INPP5A: variants seen among roughly 807,000 people sequenced by gnomAD.
INPP5A encodes inositol polyphosphate-5-phosphatase A.
INPP5A carries 14 observed loss-of-function variants against 65.2 expected under a neutral mutation model. That is an observed-to-expected ratio of 0.21 (90% confidence interval 0.14 to 0.34). INPP5A has a LOEUF of 0.34. INPP5A is among the 10% of genes least tolerant of loss of function. The pLI is 1.00. For synonymous variants in INPP5A, 207 were observed against 208.3 expected (o/e 0.99, Z 0.05); for missense variants, 431 against 545.6 (o/e 0.79, Z 2.09).
chr10:132,693,514 G>A (rs567622496), intron 5 of INPP5A, among the ~76,000 whole-genome samples: 43 of 152,082 alleles, frequency 2.8e-4, no homozygotes, highest in African/African-American at 9.4e-4. Flanking sequence ...AACTTAAATG[G>A]GCCAAAAGAA....
chr10:132,732,917 C>T (rs973189532), intron 9 of INPP5A, among the ~76,000 whole-genome samples: 4 of 152,252 alleles, frequency 2.6e-5, no homozygotes, highest in East Asian at 1.9e-4. Context: ...GAGATTCCTG[C>T]GGCAGTGGCT....
intron 9 of INPP5A, among the ~76,000 whole-genome samples, chr10:132,730,194 GC>G (rs1042706875): frequency 2.6e-5 from 4 of 152,194 alleles, no homozygotes; most frequent in African/African-American, 7.2e-5. Context: ...CCCCTGCGGG[GC>G]CCTCCCCACC....
chr10:132,546,797 T>C lies in INPP5A; in HGVS notation c.75+8626T>C, dbSNP rs1414906841. ...CTGACCGCCCAGCCACTGTTCTCCC[T>C]GGCCCTTCCCTCTCGTTTCTGCCTG... On this transcript the variant is annotated intron_variant, in intron 1 of 15. Transcript: ENST00000368594. This position sits in a 1 kb window ranked among gnomAD's most constrained non-coding sequence, Gnocchi z 5.7. Among the ~76,000 whole-genome samples the C allele has an allele frequency of 6.6e-6, 1 of 152,218 alleles. No individual in the cohort carries two copies. Among genetic ancestry groups the C allele is most frequent in the Non-Finnish European group, 1.5e-5 (1 of 68,020 alleles).
intron 9 of INPP5A, among the ~76,000 whole-genome samples, chr10:132,728,567 A>G (rs1846027650): frequency 6.6e-6 from 1 of 152,212 alleles, no homozygotes; most frequent in Non-Finnish European, 1.5e-5. Flanking sequence ...GAGTGAGCTC[A>G]TTTCTAACCT....
intron 2 of INPP5A, among the ~76,000 whole-genome samples, chr10:132,630,041 G>T (rs1327559419): frequency 2.0e-5 from 3 of 151,850 alleles, no homozygotes; most frequent in African/African-American, 7.3e-5. Context: ...AGGGAAAGGT[G>T]TTCATGGAGG....
chr10:132,712,616 A>ATG (rs138245883), intron 8 of INPP5A, among the ~76,000 whole-genome samples: 1 of 137,118 alleles, frequency 7.3e-6, no homozygotes, highest in African/African-American at 2.7e-5. Context: ...GTGTGGGTGC[A>ATG]TGTGTGTGTG....
Position 132,782,300 on chromosome 10 carries a change from A to G in INPP5A, c.*271A>G. On this transcript the variant is annotated 3_prime_UTR_variant, in exon 16 of 16. Transcript: ENST00000368594. This position sits in a 1 kb window ranked among gnomAD's most constrained non-coding sequence, Gnocchi z 4.4. ...GTCACAGTCCTGTTGTCAAAACTCT[A>G]ATAGACAGCAAAGAGGGTCTGTACC... 1 of 367,312 alleles carries G rather than the reference A, an allele frequency of 2.7e-6. No individual in the cohort carries two copies. The highest frequency in any genetic ancestry group is 2.1e-5 in the South Asian group (1 of 46,846). The allele number at this position is 367,312 out of a possible 1,614,324, so 22.8% of individuals were successfully genotyped here.
intron 11 of INPP5A, chr10:132,754,111 C>T (rs1039323264): frequency 1.3e-5 from 2 of 152,218 alleles, no homozygotes; most frequent in African/African-American, 4.8e-5. Flanking sequence ...TCCGACTTCT[C>T]AGAACCAGTG....
intron 2 of INPP5A, among the ~76,000 whole-genome samples, chr10:132,638,671 G>T (rs1201805576): frequency 6.6e-6 from 1 of 152,196 alleles, no homozygotes; most frequent in East Asian, 1.9e-4. Context: ...GGGCTTATGT[G>T]ATTCTCCTGC....
At chr10:132,652,300 G>T (rs1046077112) in intron 4 of INPP5A, among the ~76,000 whole-genome samples, 11 of 152,228 alleles carry the variant, frequency 7.2e-5, no homozygotes, top group Admixed American at 2.6e-4. Context: ...CAGAGAGAAG[G>T]ACTGAAAAGT....
rs1483804330 is a variant in INPP5A at position 132,741,795 on chromosome 10, CAAT to C, written c.733-7720_733-7718del. On this transcript the variant is annotated intron_variant, in intron 9 of 15. Coordinates refer to ENST00000368594, the MANE Select transcript of INPP5A (RefSeq NM_005539.5). This position sits in a 1 kb window ranked among gnomAD's most constrained non-coding sequence, Gnocchi z 4.4. Reference sequence around the variant, plus strand: ...AGTGTCCGCGTCCGCTTGCTTTACTCAATAGCCGACGTAAACTGAGGTGGACGT... The same window carrying C: ...AGTGTCCGCGTCCGCTTGCTTTACTCAGCCGACGTAAACTGAGGTGGACGT... Among the ~76,000 whole-genome samples, 1 of 149,794 alleles carries C rather than the reference CAAT, an allele frequency of 6.7e-6. No individual in the cohort carries two copies. Among genetic ancestry groups the C allele is most frequent in the African/African-American group, 2.5e-5 (1 of 40,348 alleles).
chr10:132,560,792 G>A lies in INPP5A; in HGVS notation c.75+22621G>A, dbSNP rs150714410. Among the ~76,000 whole-genome samples, 422 of 152,130 alleles carry A rather than the reference G, an allele frequency of 2.8e-3. 1 individual carries two copies. The highest frequency in any genetic ancestry group is 8.5e-3 in the African/African-American group (353 of 41,496). ...GGCTAATTTTAAAAAGTTTTAGTTTGTAAATACAGGGTCTTGCTATGCTGT... is the reference window on the plus strand; with the variant it reads ...GGCTAATTTTAAAAAGTTTTAGTTTATAAATACAGGGTCTTGCTATGCTGT... On this transcript the variant is annotated intron_variant, in intron 1 of 15. Transcript: ENST00000368594.
rs2070996532 is a variant in INPP5A, at chr10:132,547,735, T to A, written c.75+9564T>A. On this transcript the variant is annotated intron_variant, in intron 1 of 15. Transcript: ENST00000368594. The surrounding 1 kb of genome is among the most constrained non-coding windows in gnomAD (Gnocchi z 5.5). ...GCCTAGGCAAGCAGGGTTTTCCTCC[T>A]TCACGGGACAGCCCGCGTGCCCCCA... 1.3e-5 allele frequency among the ~76,000 whole-genome samples: 2 copies of A among 152,058 alleles called. No individual in the cohort carries two copies. The highest frequency in any genetic ancestry group is 4.8e-5 in the African/African-American group (2 of 41,410).
At chr10:132,620,857 T>A (rs2072099312) in intron 2 of INPP5A, among the ~76,000 whole-genome samples, 1 of 152,222 alleles carries the variant, frequency 6.6e-6, no homozygotes, top group East Asian at 1.9e-4. Context: ...ACTTTTTGAA[T>A]TATTCTTTGA....
intron 1 of INPP5A, among the ~76,000 whole-genome samples, chr10:132,548,423 C>T (rs779757700): frequency 6.6e-5 from 10 of 152,200 alleles, no homozygotes; most frequent in East Asian, 1.9e-4. Context: ...GCTTCTGCCT[C>T]GCACCCGGCC....
intron 11 of INPP5A, among the ~76,000 whole-genome samples, chr10:132,763,612 C>T (rs1207696176): frequency 6.6e-6 from 1 of 151,844 alleles, no homozygotes; most frequent in East Asian, 1.9e-4. Flanking sequence ...CATGCAAACA[C>T]ACACATGCCT....
chr10:132,658,881 C>T (rs979246251), intron 4 of INPP5A, among the ~76,000 whole-genome samples: 5 of 152,096 alleles, frequency 3.3e-5, no homozygotes, highest in African/African-American at 2.4e-5. Context: ...CTCCATGCAC[C>T]CGGCAGGAGA....
Position 132,753,256 on chromosome 10 carries a change from G to C in INPP5A, c.903+3411G>C, listed in dbSNP as rs890671886. Among the ~76,000 whole-genome samples the C allele has an allele frequency of 1.4e-4, 21 of 152,136 alleles. No homozygotes were observed. Among genetic ancestry groups the C allele is most frequent in the African/African-American group, 3.9e-4 (16 of 41,428 alleles). On this transcript the variant is annotated intron_variant, in intron 11 of 15. Transcript: ENST00000368594. This position sits in a 1 kb window ranked among gnomAD's most constrained non-coding sequence, Gnocchi z 5.3. The stretch of plus-strand genomic sequence containing the variant: ...CGACGGAGGGTCAAGGTGGTCGGAC[G>C]GGGAGCCTGGGGAGATAATCCCATC...
chr10:132,776,929 C>T (rs935206091), intron 12 of INPP5A, among the ~76,000 whole-genome samples: 3 of 152,166 alleles, frequency 2.0e-5, no homozygotes, highest in African/African-American at 7.2e-5. Flanking sequence ...CTCAGAGACA[C>T]AGCAAGGCCG....
Sources: allele counts gnomAD v4.1 joint callset (sites outside exome capture counted in the v4.1 genomes callset), GRCh38; gene constraint gnomAD v4.1.1; non-coding constraint Gnocchi (gnomAD v3.1); transcripts MANE v1.5; gene names NCBI Gene and HGNC (gene_info 2026-07-23, HGNC 2026-07-21).